SLC24A2: variants seen among roughly 807,000 people sequenced by gnomAD.
SLC24A2 encodes the protein solute carrier family 24 member 2, also known as sodium/potassium/calcium exchanger 2.
SLC24A2 carries 36 observed loss-of-function variants against 62.0 expected under a neutral mutation model. The ratio of observed to expected loss-of-function variants is 0.58; its 90% CI spans 0.44 to 0.77. The LOEUF is 0.77. Ranked by LOEUF, SLC24A2 falls within the 30% of genes least tolerant of loss-of-function variation. The pLI, the probability that SLC24A2 is intolerant of heterozygous loss-of-function variation, is 0.00. For missense variants in SLC24A2, 846 were observed against 817.9 expected (o/e 1.03, Z -0.42); for synonymous variants, 358 against 294.0 (o/e 1.22, Z -2.23).
the SLC24A2 span, among the ~76,000 whole-genome samples, chr9:19,901,380 G>A: frequency 6.6e-6 from 1 of 152,172 alleles, no homozygotes; most frequent in South Asian, 2.1e-4. Flanking sequence ...ATCTGGAGAA[G>A]AGACTTTATT....
chr9:19,949,621 TA>T, the SLC24A2 span, among the ~76,000 whole-genome samples: 3 of 152,208 alleles, frequency 2.0e-5, no homozygotes, highest in Non-Finnish European at 2.9e-5. Flanking sequence ...TCCTTGCAGC[TA>T]GGTGTGATCT....
chr9:19,653,620 T>C (rs900396555), intron 2 of SLC24A2, among the ~76,000 whole-genome samples: 2 of 152,226 alleles, frequency 1.3e-5, no homozygotes, highest in African/African-American at 4.8e-5. Flanking sequence ...ATATCAAATA[T>C]CAGTAGAATC....
At chr9:19,985,511 G>C in the SLC24A2 span, among the ~76,000 whole-genome samples, 8 of 152,242 alleles carry the variant, frequency 5.3e-5, no homozygotes, top group Non-Finnish European at 1.2e-4. Context: ...TCATTTATAT[G>C]AAATTCTAGA....
chr9:19,995,178 T>C, the SLC24A2 span, among the ~76,000 whole-genome samples: 1 of 152,052 alleles, frequency 6.6e-6, no homozygotes, highest in Non-Finnish European at 1.5e-5. Context: ...GCAACAAATA[T>C]TGGCTCCTTT....
intron 2 of SLC24A2, among the ~76,000 whole-genome samples, chr9:19,717,854 G>C (rs1378229160): frequency 6.6e-6 from 1 of 151,838 alleles, no homozygotes; most frequent in East Asian, 1.9e-4. Flanking sequence ...GTTCTTCAGT[G>C]ACCCCACTAA....
chr9:20,200,904 G>A, the SLC24A2 span, among the ~76,000 whole-genome samples: 1 of 152,312 alleles, frequency 6.6e-6, no homozygotes, highest in East Asian at 1.9e-4. Flanking sequence ...GGTCACAAGT[G>A]TGGTAGTTTT....
the SLC24A2 span, among the ~76,000 whole-genome samples, chr9:20,065,899 C>A: frequency 6.6e-6 from 1 of 152,140 alleles, no homozygotes; most frequent in Non-Finnish European, 1.5e-5. Context: ...AAAGTCCTCC[C>A]GGGAATTCTT....
chr9:20,173,709 C>A, the SLC24A2 span, among the ~76,000 whole-genome samples: 11 of 152,002 alleles, frequency 7.2e-5, no homozygotes, highest in Non-Finnish European at 1.2e-4. Context: ...AACACACAAA[C>A]AAATGGAAAC....
At chr9:20,188,737 G>C in the SLC24A2 span, among the ~76,000 whole-genome samples, 34 of 152,200 alleles carry the variant, frequency 2.2e-4, no homozygotes, top group Non-Finnish European at 3.4e-4. Flanking sequence ...AAGGAATGAA[G>C]ATGGCCTCTA....
At position 19,537,276 on chromosome 9, in the gene SLC24A2, C is replaced by A. The variant is rs751318082; in HGVS notation, c.1480-9138G>T. ...GGTGTATTGGACATGAAGTCCTTGC[C>A]CATGCCTATGTCCTGAATGGTAATG... is the stretch of plus-strand genomic sequence containing the variant. On this transcript the variant is annotated intron_variant, in intron 8 of 10. Transcript: ENST00000341998. Among the ~76,000 whole-genome samples, 1,084 of 138,394 alleles carry A rather than the reference C, an allele frequency of 7.8e-3. 9 individuals carry two copies. The highest frequency in any genetic ancestry group is 0.011 in the Non-Finnish European group (737 of 64,460). 90.8% of individuals were successfully genotyped at this position (138,394 alleles called of 152,430 possible).
chr9:19,903,329 G>C, the SLC24A2 span, among the ~76,000 whole-genome samples: 10 of 152,186 alleles, frequency 6.6e-5, no homozygotes, highest in Non-Finnish European at 1.0e-4. Context: ...GAAACAGAGA[G>C]AGAGAGAGTG....
chr9:20,124,681 C>T, the SLC24A2 span, among the ~76,000 whole-genome samples: 145 of 152,276 alleles, frequency 9.5e-4, 1 homozygote, highest in African/African-American at 3.3e-3. Context: ...GCCCTATGCA[C>T]TAGACTTTTC....
chr9:19,767,466 G>A (rs1822552025), intron 2 of SLC24A2, among the ~76,000 whole-genome samples: 1 of 152,210 alleles, frequency 6.6e-6, no homozygotes, highest in African/African-American at 2.4e-5. Flanking sequence ...TCTGCGGGTT[G>A]TGAAGACCAT....
At chr9:19,886,914 G>A in the SLC24A2 span, among the ~76,000 whole-genome samples, 1 of 152,176 alleles carries the variant, frequency 6.6e-6, no homozygotes, top group Admixed American at 6.5e-5. Flanking sequence ...GACATGGATA[G>A]AGCTGGCAGC....
chr9:19,960,431 C>G, the SLC24A2 span, among the ~76,000 whole-genome samples: 2 of 152,198 alleles, frequency 1.3e-5, no homozygotes, highest in Non-Finnish European at 1.5e-5. Flanking sequence ...AGTTTGGAAA[C>G]CAATGAGGTG....
chr9:20,277,486 AT>A, the SLC24A2 span, among the ~76,000 whole-genome samples: 1 of 151,742 alleles, frequency 6.6e-6, no homozygotes, highest in Non-Finnish European at 1.5e-5. Context: ...ACATGAAAAA[AT>A]GTTCATCATC....
chr9:20,235,112 T>A, the SLC24A2 span, among the ~76,000 whole-genome samples: 1 of 152,188 alleles, frequency 6.6e-6, no homozygotes, highest in South Asian at 2.1e-4. Context: ...AGTACCTGGC[T>A]GTGTGAGGTG....
chr9:19,657,089 T>C (rs1432983595), intron 2 of SLC24A2, among the ~76,000 whole-genome samples: 2 of 152,230 alleles, frequency 1.3e-5, no homozygotes, highest in African/African-American at 4.8e-5. Flanking sequence ...AACTCCAGAC[T>C]ATAATCTCAA....
In SLC24A2 at chr9:19,558,879, T is replaced by C. The variant is rs943384940; in HGVS notation, c.1348-8611A>G. ...AAACTGGTAAAAAGGTATGTGCCTA[T>C]ATAGTGAGTGTGTGGGAGGCTCCTA... On this transcript the variant is annotated intron_variant, in intron 7 of 10. Coordinates refer to ENST00000341998, the MANE Select transcript of SLC24A2 (RefSeq NM_020344.4). Among the ~76,000 whole-genome samples, 6 of 152,218 alleles carry C rather than the reference T, an allele frequency of 3.9e-5. No homozygotes were observed. In the East Asian group the frequency reaches 1.2e-3, roughly 29 times the overall value.
Sources: gnomAD v4.1 joint callset for allele counts (sites outside exome capture counted in the v4.1 genomes callset) on GRCh38, gnomAD v4.1.1 for gene constraint, MANE v1.5 for transcripts, NCBI Gene and HGNC (gene_info 2026-07-23, HGNC 2026-07-21) for gene names.